The following CGN variants were observed in gnomAD, a reference collection of about 807,000 sequenced individuals.
The protein encoded by CGN is cingulin.
CGN carries 121 observed loss-of-function variants against 157.1 expected under a neutral mutation model. The observed-to-expected ratio is 0.77, with a 90% CI of 0.66 to 0.90. The LOEUF is 0.90. Ranked by LOEUF, CGN falls within the 40% of genes least tolerant of loss-of-function variation. The pLI, the probability that CGN is intolerant of heterozygous loss-of-function variation, is 0.00. For missense variants in CGN, 1,424 were observed against 1,520.9 expected (o/e 0.94, Z 1.06); for synonymous variants, 535 against 607.5 (o/e 0.88, Z 1.76).
intron 8 of CGN, 197 bp from the exon 9 acceptor site, chr1:151,525,445 G>A (rs1461947418): frequency 1.2e-5 from 5 of 406,064 alleles, no homozygotes; most frequent in East Asian, 4.4e-5. Context: ...GAGGTTTCCT[G>A]TAGATGATAG....
chr1:151,529,098 A>G (rs932210146), intron 10 of CGN, among the ~76,000 whole-genome samples: 4 of 152,210 alleles, frequency 2.6e-5, no homozygotes, highest in East Asian at 1.9e-4. Context: ...GAATAATGCT[A>G]CTATGAACAT....
chr1:151,515,459 A>C (rs1664387734), intron 1 of CGN: 1 of 152,222 alleles, frequency 6.6e-6, no homozygotes, highest in Non-Finnish European at 1.5e-5. Context: ...GGCACAGAAA[A>C]GTTGTGGGTT....
intron 1 of CGN, among the ~76,000 whole-genome samples, chr1:151,514,373 T>C (rs919439162): frequency 1.3e-5 from 2 of 152,186 alleles, no homozygotes; most frequent in East Asian, 1.9e-4. Context: ...ATAAATCATA[T>C]GGCTTCTGAG....
At position 151,524,586 on chromosome 1, in the gene CGN, T is replaced by C. The variant is rs1232459623; in HGVS notation, c.1402-88T>C. On this transcript the variant is annotated intron_variant, in intron 7 of 20. Coordinates refer to ENST00000271636, the MANE Select transcript of CGN (RefSeq NM_020770.3). This position sits in a 1 kb window ranked among gnomAD's most constrained non-coding sequence, Gnocchi z 4.4. ...CTAGAGCACCTGGTACTGTGCCTAA[T>C]ACGATAAATATTTTTTGACTCAGTG... 1 of 1,269,782 alleles carries C rather than the reference T, an allele frequency of 7.9e-7. No individual in the cohort carries two copies. Among genetic ancestry groups the C allele is most frequent in the Non-Finnish European group, 1.1e-6 (1 of 906,840 alleles). 78.7% of individuals were successfully genotyped at this position (1,269,782 alleles called of 1,614,324 possible).
intron 13 of CGN, among the ~76,000 whole-genome samples, chr1:151,531,911 GA>G (rs1557992677): frequency 6.8e-6 from 1 of 147,726 alleles, no homozygotes; most frequent in Non-Finnish European, 1.5e-5. Context: ...ATTTGTCAAT[GA>G]AAAATGCACA....
chr1:151,528,665 C>A (rs1355114578), intron 10 of CGN, among the ~76,000 whole-genome samples: 1 of 152,168 alleles, frequency 6.6e-6, no homozygotes, highest in Non-Finnish European at 1.5e-5. Context: ...GATCCACCCG[C>A]CTCAGCCTCC....
Position 151,524,268 on chromosome 1 carries a change from A to C in CGN, c.1311A>C (p.Leu437Phe), listed in dbSNP as rs763003356. 2 of 1,614,234 alleles carry C rather than the reference A, an allele frequency of 1.2e-6. No individual in the cohort carries two copies. Among genetic ancestry groups the C allele is most frequent in the Non-Finnish European group, 8.5e-7 (1 of 1,180,046 alleles). Reference protein sequence around the residue: ...MKRLLDQGEDLRHGLETQVME... With the variant: ...MKRLLDQGEDFRHGLETQVME... ...GCCTCTTGGACCAGGGTGAAGATTT[A>C]CGACATGGGCTGGAGACCCAGGTGA... The change falls in exon 7 of 21, where the codon TTA becomes TTC. Residue 437 changes from leucine (L) to phenylalanine (F), a missense_variant. Coordinates refer to ENST00000271636, the MANE Select transcript of CGN (RefSeq NM_020770.3). The surrounding 1 kb of genome is among the most constrained non-coding windows in gnomAD (Gnocchi z 4.4).
chr1:151,536,595 A>G lies in CGN; in HGVS notation c.3307-135A>G, dbSNP rs947893385. On this transcript the variant is annotated intron_variant, in intron 19 of 20. Transcript: ENST00000271636. ...AATACATTTAATCCCTAAGACAACC[A>G]TGTGAGGTTAAGGAACTTGCCCAAG... 7.8e-6 allele frequency: 6 copies of G among 768,472 alleles called. No homozygotes were observed. The Admixed American group carries it at 1.3e-4, about 17-fold the overall frequency. 47.6% of individuals were successfully genotyped at this position (768,472 alleles called of 1,614,324 possible). A position where few individuals can be genotyped will look rare whatever the true frequency, so the allele number is the denominator to read the frequency against.
At chr1:151,512,793 G>A (rs1664330102) in intron 1 of CGN, among the ~76,000 whole-genome samples, 1 of 152,212 alleles carries the variant, frequency 6.6e-6, no homozygotes, top group Non-Finnish European at 1.5e-5. Context: ...GGAGTCTGGG[G>A]GCTGGCTCTG....
rs1664305628 is a variant in CGN at position 151,511,867 on chromosome 1, G to T, written c.-15+352G>T. 6.6e-6 allele frequency among the ~76,000 whole-genome samples: 1 copy of T among 152,156 alleles called. No individual in the cohort carries two copies. Among genetic ancestry groups the T allele is most frequent in the African/African-American group, 2.4e-5 (1 of 41,442 alleles). The stretch of plus-strand genomic sequence containing the variant: ...CAGCGGTGGCGCGGGGAAGGAGTTA[G>T]TTCCAGCTGAGTCGGGAACTGCTGC... On this transcript the variant is annotated intron_variant, in intron 1 of 20. Transcript: ENST00000271636. This position sits in a 1 kb window ranked among gnomAD's most constrained non-coding sequence, Gnocchi z 4.8.
chr1:151,520,492 CCTT>C lies in CGN; in HGVS notation c.1044+12_1044+14del, dbSNP rs748158258. The C allele has an allele frequency of 6.2e-7, 1 of 1,613,632 alleles. No individual in the cohort carries two copies. Among genetic ancestry groups the C allele is most frequent in the Admixed American group, 1.7e-5 (1 of 60,016 alleles). ...AGATGCAGCCTCTAGTGGTGAGTGG[CCTT>C]CTCTGGATGGGAGCAAGGGTCAAGG... On this transcript the variant is annotated intron_variant, in intron 4 of 20. Transcript: ENST00000271636.
chr1:151,520,203 A>C lies in CGN; in HGVS notation c.911A>C (p.Glu304Ala), dbSNP rs1391267694. The change falls in exon 3 of 21, where the codon GAG (glutamate) becomes GCG (alanine). Residue 304 changes from glutamate to alanine, a missense_variant. Physicochemically the swap from Glu to Ala is moderately radical, Grantham distance 107. This residue lies in a region of CGN where 1,187 missense variants were observed against 1,217.6 expected (regional missense o/e 0.97). Coordinates refer to ENST00000271636, the MANE Select transcript of CGN (RefSeq NM_020770.3). The part of the protein sequence containing the change: ...STPDLLRDQQ[E>A]AAPPGSVDHM... ...CCAGACCTCCTTCGAGACCAGCAGG[A>C]GGCAGCCCCACCAGGCAGTGTGGAC... 3.1e-6 allele frequency: 5 copies of C among 1,613,194 alleles called. No individual in the cohort carries two copies.
At position 151,529,482 on chromosome 1, in the gene CGN, C is replaced by T. The variant is rs754282146; in HGVS notation, c.2029C>T (p.Arg677Trp). 44 of 1,613,620 alleles carry T rather than the reference C, an allele frequency of 2.7e-5. No individual in the cohort carries two copies. The highest frequency in any genetic ancestry group is 3.4e-5 in the Non-Finnish European group (40 of 1,179,980). The part of the protein sequence containing the change: ...AVLRVEADRG[R>W]ELEEQNLQLQ... Reference sequence around the variant, plus strand: ...CCTGAGGGTCGAGGCTGATCGAGGTCGGGAGCTGGAAGAACAGAACCTCCA... The same window carrying T: ...CCTGAGGGTCGAGGCTGATCGAGGTTGGGAGCTGGAAGAACAGAACCTCCA... The change falls in exon 11 of 21, where the codon CGG becomes TGG. Residue 677 changes from arginine (R) to tryptophan (W), a missense_variant. Transcript: ENST00000271636.
chr1:151,530,527 C>A lies in CGN; in HGVS notation c.2352C>A (p.Ser784=). ...KQQLEEALNA[S]QEEEGSLAAA... is the part of the protein sequence containing the mutation. ...AGCTGGAGGAGGCCCTGAATGCGTC[C>A]CAGGAAGAGGAGGGGAGTCTGGCAG... Residue 784 remains serine (S), a synonymous_variant, in exon 13 of 21, where the codon TCC becomes TCA. Coordinates refer to ENST00000271636, the MANE Select transcript of CGN (RefSeq NM_020770.3). 1 of 1,604,020 alleles carries A rather than the reference C, an allele frequency of 6.2e-7. No homozygotes were observed. Among genetic ancestry groups the A allele is most frequent in the South Asian group, 1.1e-5 (1 of 90,088 alleles).
intron 1 of CGN, among the ~76,000 whole-genome samples, chr1:151,513,767 A>C (rs547252045): frequency 6.6e-6 from 1 of 152,332 alleles, no homozygotes; most frequent in Admixed American, 6.5e-5. Flanking sequence ...CTCAGGGAGA[A>C]GTGGCTGTCT....
At chr1:151,529,693 A>G in intron 11 of CGN, 134 bp downstream of exon 11, 2 of 915,760 alleles carry the variant, frequency 2.2e-6, no homozygotes, top group South Asian at 1.7e-5. Flanking sequence ...ATGTGGTTCA[A>G]AGAAGCCAGG....
chr1:151,527,096 G>A lies in CGN; in HGVS notation c.1885G>A (p.Val629Met). 1 of 1,614,126 alleles carries A rather than the reference G, an allele frequency of 6.2e-7. No individual in the cohort carries two copies. The highest frequency in any genetic ancestry group is 1.1e-5 in the South Asian group (1 of 91,086). The stretch of plus-strand genomic sequence containing the variant: ...TGCTGGAGATACTCGCCAGGTTGAG[G>A]TGCTCAAGAAGGTATTTGGGAATTG... Reference protein sequence around the residue: ...ASAGDTRQVEVLKKELLRTQE... With the variant: ...ASAGDTRQVEMLKKELLRTQE... Residue 629 changes from valine (V) to methionine (M), a missense_variant, in exon 10 of 21, where the codon GTG becomes ATG. Coordinates refer to ENST00000271636, the MANE Select transcript of CGN (RefSeq NM_020770.3).
intron 5 of CGN, 111 bp from the exon 6 acceptor site, chr1:151,523,323 T>C (rs1664584722): frequency 4.1e-6 from 4 of 984,118 alleles, no homozygotes; most frequent in Non-Finnish European, 4.5e-6. Context: ...CTAAGTATAG[T>C]GTCTATCATA....
At chr1:151,517,667 C>T (rs954223021) in intron 1 of CGN, among the ~76,000 whole-genome samples, 4 of 151,904 alleles carry the variant, frequency 2.6e-5, no homozygotes, top group South Asian at 2.1e-4. Context: ...TGCGCCACCA[C>T]GCCTAGCTAA....
Sources: allele counts gnomAD v4.1 joint callset (sites outside exome capture counted in the v4.1 genomes callset), GRCh38; gene constraint gnomAD v4.1.1; regional missense constraint gnomAD v4.1.1; non-coding constraint Gnocchi (gnomAD v3.1); transcripts MANE v1.5; gene names NCBI Gene and HGNC (gene_info 2026-07-23, HGNC 2026-07-21).